Variants in RNF157 observed in about 807,000 individuals in gnomAD.
RNF157 encodes E3 ubiquitin ligase RNF157.
RNF157 carries 55 observed loss-of-function variants against 88.3 expected under a neutral mutation model. The ratio of observed to expected loss-of-function variants is 0.62; its 90% CI spans 0.50 to 0.78. The LOEUF is 0.78. Ranked by LOEUF, RNF157 falls within the 30% of genes least tolerant of loss-of-function variation. The pLI is 0.00. For missense variants in RNF157, 788 were observed against 860.8 expected (o/e 0.92, Z 1.06); for synonymous variants, 334 against 341.2 (o/e 0.98, Z 0.23).
At chr17:76,201,651 A>G (rs2069580945) in intron 2 of RNF157, among the ~76,000 whole-genome samples, 1 of 152,210 alleles carries the variant, frequency 6.6e-6, no homozygotes, top group African/African-American at 2.4e-5. Flanking sequence ...ATATATGTAC[A>G]TAATGCACAC....
At position 76,161,567 on chromosome 17, in the gene RNF157, A is replaced by C; in HGVS notation, c.1033T>G (p.Ser345Ala). The C allele has an allele frequency of 6.2e-7, 1 of 1,614,100 alleles. No homozygotes were observed. Among genetic ancestry groups the C allele is most frequent in the Middle Eastern group, 1.7e-4 (1 of 6,058 alleles). ...LSPTSFNPII[S>A]SQTSDSEEHP... ...TCTTCAGAGTCAGATGTCTGGGATG[A>C]GATGATGGGGTTAAAGCTGGTTGGG... The change falls in exon 11 of 19, where the codon TCA becomes GCA. Residue 345 changes from serine to alanine, a missense_variant. Ser to Ala is a moderately conservative substitution (Grantham distance 99, BLOSUM62 1). Transcript: ENST00000269391. This position sits in a 1 kb window ranked among gnomAD's most constrained non-coding sequence, Gnocchi z 4.6.
At chr17:76,182,576 T>C (rs2069207496) in intron 2 of RNF157, among the ~76,000 whole-genome samples, 1 of 151,340 alleles carries the variant, frequency 6.6e-6, no homozygotes, top group Non-Finnish European at 1.5e-5. Flanking sequence ...TAAAAAAATA[T>C]GGTCACAGTA....
intron 18 of RNF157, among the ~76,000 whole-genome samples, chr17:76,148,566 C>CT (rs35003550): frequency 1.4e-3 from 183 of 132,936 alleles, no homozygotes; most frequent in South Asian, 0.011. Context: ...CGTGCCCCGC[C>CT]TTTTTTTTTT....
intron 2 of RNF157, among the ~76,000 whole-genome samples, chr17:76,189,351 G>A (rs183407978): frequency 4.8e-4 from 73 of 152,300 alleles, no homozygotes; most frequent in Non-Finnish European, 1.6e-4. Context: ...AATTCAGCAA[G>A]AGAAATGCAG....
At chr17:76,166,959 CCT>C in intron 5 of RNF157, 48 bp downstream of exon 5, 1 of 1,331,060 alleles carries the variant, frequency 7.5e-7, no homozygotes, top group Non-Finnish European at 1.1e-6. Flanking sequence ...CTAAGTAGCC[CCT>C]AGGCCCTTCT....
intron 18 of RNF157, among the ~76,000 whole-genome samples, chr17:76,151,649 C>T (rs774069608): frequency 1.8e-4 from 27 of 152,304 alleles, no homozygotes; most frequent in South Asian, 4.1e-4. Flanking sequence ...ACTAAAAAGG[C>T]ACTCGGTGCT....
At position 76,206,092 on chromosome 17, in the gene RNF157, A is replaced by T. The variant is rs2069677454; in HGVS notation, c.207+6272T>A. Among the ~76,000 whole-genome samples the T allele has an allele frequency of 2.6e-5, 4 of 151,880 alleles. No individual in the cohort carries two copies. In the South Asian group the frequency reaches 8.3e-4, roughly 32 times the overall value. ...AGAAATTTTTTTTAAAAAGCCAGGC[A>T]TGGTGGGGCGTGCTTGTAGTCCCAG... On this transcript the variant is annotated intron_variant, in intron 2 of 18. Transcript: ENST00000269391.
chr17:76,219,524 G>C (rs941335345), intron 1 of RNF157, among the ~76,000 whole-genome samples: 6 of 152,092 alleles, frequency 3.9e-5, no homozygotes, highest in African/African-American at 1.4e-4. Flanking sequence ...TTATCTATAG[G>C]AGGAGGGAGG....
chr17:76,167,100 T>G lies in RNF157; in HGVS notation c.470A>C (p.Gln157Pro). 1 of 1,612,434 alleles carries G rather than the reference T, an allele frequency of 6.2e-7. No individual in the cohort carries two copies. Among genetic ancestry groups the G allele is most frequent in the Non-Finnish European group, 8.5e-7 (1 of 1,179,510 alleles). Residue 157 changes from glutamine to proline, a missense_variant, in exon 5 of 19, where the codon CAG becomes CCG. Transcript: ENST00000269391. ...TCGCTTGTACTGCACAGTCTCCGAC[T>G]GGAGGCTGTTGTCTTTGGGAATGTA... ...ASYIPKDNSL[Q>P]SETVQYKRGV...
intron 13 of RNF157, 151 bp downstream of exon 13, chr17:76,158,242 A>G: frequency 3.0e-6 from 2 of 658,222 alleles, no homozygotes; most frequent in Admixed American, 2.1e-5. Context: ...TGTTGAATGC[A>G]TGAATCCAGT....
chr17:76,171,015 C>T (rs1238738639), intron 3 of RNF157, among the ~76,000 whole-genome samples: 1 of 152,030 alleles, frequency 6.6e-6, no homozygotes, highest in African/African-American at 2.4e-5. Context: ...GCCTCAGCCT[C>T]CCAAATAGCT....
chr17:76,166,241 C>T (rs2068922407), intron 6 of RNF157, among the ~76,000 whole-genome samples: 1 of 152,136 alleles, frequency 6.6e-6, no homozygotes. Context: ...TCCCAAACTG[C>T]TGGGATTATA....
intron 2 of RNF157, among the ~76,000 whole-genome samples, chr17:76,187,263 A>G (rs2069307913): frequency 6.6e-6 from 1 of 151,236 alleles, no homozygotes; most frequent in Non-Finnish European, 1.5e-5. Flanking sequence ...GGCTCACCAC[A>G]ACCTCCGCCT....
chr17:76,175,672 T>G, intron 2 of RNF157: 1 of 752,320 alleles, frequency 1.3e-6, no homozygotes, highest in Non-Finnish European at 1.6e-6. Flanking sequence ...ACTTTGGGAT[T>G]AAAATTTTTT....
intron 2 of RNF157, chr17:76,202,803 A>G (rs924132453): frequency 6.5e-6 from 1 of 153,350 alleles, no homozygotes; most frequent in African/African-American, 2.4e-5. Context: ...AAATTGGTCC[A>G]TGGTTCTAGG....
intron 1 of RNF157, among the ~76,000 whole-genome samples, chr17:76,231,726 A>G (rs1386152084): frequency 6.6e-6 from 1 of 152,202 alleles, no homozygotes; most frequent in Non-Finnish European, 1.5e-5. Context: ...ATTTTATCCA[A>G]AAGGCACAAA....
intron 2 of RNF157, among the ~76,000 whole-genome samples, chr17:76,204,766 T>TTTTCTTTC (rs1303600890): frequency 6.6e-6 from 1 of 150,608 alleles, no homozygotes; most frequent in East Asian, 1.9e-4. Context: ...ATCTTATTTC[T>TTTTCTTTC]TTTCTTTCTT....
chr17:76,162,495 C>G (rs376603824), intron 9 of RNF157, 57 bp downstream of exon 9: 67 of 1,350,052 alleles, frequency 5.0e-5, no homozygotes, highest in Middle Eastern at 3.6e-4. Flanking sequence ...CGCTGGCTTA[C>G]GATTTCTCAC....
intron 2 of RNF157, among the ~76,000 whole-genome samples, chr17:76,211,534 A>T (rs1204108410): frequency 6.6e-6 from 1 of 152,268 alleles, no homozygotes; most frequent in Non-Finnish European, 1.5e-5. Context: ...ATCTGTGACC[A>T]GGCAAACCTA....
Sources: allele counts gnomAD v4.1 joint callset (sites outside exome capture counted in the v4.1 genomes callset), GRCh38; gene constraint gnomAD v4.1.1; non-coding constraint Gnocchi (gnomAD v3.1); transcripts MANE v1.5; gene names NCBI Gene and HGNC (gene_info 2026-07-23, HGNC 2026-07-21).